Variants in CCDC112 observed in about 807,000 individuals in gnomAD.
The protein encoded by CCDC112 is coiled-coil domain-containing protein 112.
A neutral mutation model predicts 66.3 loss-of-function variants in CCDC112; 40 were observed. The ratio of observed to expected loss-of-function variants is 0.60; its 90% CI spans 0.47 to 0.79. CCDC112 has a LOEUF of 0.79. Among genes scored for constraint, CCDC112 ranks in the 30% least tolerant of loss-of-function variants. The pLI, the probability that CCDC112 is intolerant of heterozygous loss-of-function variation, is 0.00. For missense variants in CCDC112, 659 were observed against 603.8 expected (o/e 1.09, Z -0.96); for synonymous variants, 214 against 197.2 (o/e 1.09, Z -0.71).
At position 115,267,808 on chromosome 5, in the gene CCDC112, A is replaced by T; in HGVS notation, c.*68T>A. ...CTATTGATATTTAAAGAATGTGGTT[A>T]GTCACTCTCTCCCTGGTATAACTTA... On this transcript the variant is annotated 3_prime_UTR_variant, in exon 10 of 10. Coordinates refer to ENST00000379611, the MANE Select transcript of CCDC112 (RefSeq NM_001040440.3). 3.6e-6 allele frequency: 4 copies of T among 1,106,874 alleles called. No individual in the cohort carries two copies. Among genetic ancestry groups the T allele is most frequent in the Non-Finnish European group, 5.6e-6 (4 of 719,432 alleles). 68.6% of individuals were successfully genotyped at this position (1,106,874 alleles called of 1,614,324 possible).
intron 2 of CCDC112, among the ~76,000 whole-genome samples, chr5:115,281,315 C>A (rs1749447170): frequency 6.6e-6 from 1 of 152,170 alleles, no homozygotes; most frequent in Admixed American, 6.5e-5. Context: ...TGAGCCACCG[C>A]ATCTGACCGC....
Position 115,287,584 on chromosome 5 carries a change from G to A in CCDC112, c.118-2676C>T, listed in dbSNP as rs1749728054. Among the ~76,000 whole-genome samples, 4 of 151,804 alleles carry A rather than the reference G, an allele frequency of 2.6e-5. No individual in the cohort carries two copies. The South Asian group carries it at 8.3e-4, about 32-fold the overall frequency. ...TTTTCCTGAAAACAAGAGATGCACG[G>A]CAACCAATCAGAAAGGGTCCAGTCA... On this transcript the variant is annotated intron_variant, in intron 1 of 9. Transcript: ENST00000379611.
chr5:115,291,827 C>T (rs544960384), intron 1 of CCDC112, among the ~76,000 whole-genome samples: 178 of 152,152 alleles, frequency 1.2e-3, no homozygotes, highest in African/African-American at 4.1e-3. Context: ...CATCCCTCTG[C>T]CTTTTGGTGT....
chr5:115,280,029 C>A (rs552646550), intron 2 of CCDC112, among the ~76,000 whole-genome samples: 2 of 152,272 alleles, frequency 1.3e-5, no homozygotes, highest in East Asian at 3.9e-4. Context: ...TGTGGATATA[C>A]ATTTGCTTTG....
At chr5:115,287,382 T>C (rs1749719040) in intron 1 of CCDC112, among the ~76,000 whole-genome samples, 1 of 152,230 alleles carries the variant, frequency 6.6e-6, no homozygotes, top group South Asian at 2.1e-4. Context: ...TATTTATTGT[T>C]GAATTGTAAC....
intron 8 of CCDC112, chr5:115,269,456 T>G: frequency 2.3e-6 from 1 of 433,762 alleles, no homozygotes; most frequent in Non-Finnish European, 4.1e-6. Flanking sequence ...AATTTTTAAA[T>G]GACAAGTAGG....
intron 1 of CCDC112, among the ~76,000 whole-genome samples, chr5:115,295,351 T>C (rs977561501): frequency 4.6e-5 from 7 of 152,214 alleles, no homozygotes; most frequent in African/African-American, 1.2e-4. Flanking sequence ...TTTTTGAGCA[T>C]AGTACTTAAA....
Position 115,269,759 on chromosome 5 carries a change from C to T in CCDC112, c.1372G>A (p.Ala458Thr). 2 of 1,595,206 alleles carry T rather than the reference C, an allele frequency of 1.3e-6. No homozygotes were observed. Among genetic ancestry groups the T allele is most frequent in the Non-Finnish European group, 8.5e-7 (1 of 1,173,252 alleles). ...TTTTGTGACTTTTCATCTTCCTTTG[C>T]CTGTCTATCTAGAATTTTCAGTTCA... ...KLELKILDRQAKEDEKSQKQR... is the reference protein window; with the variant it reads ...KLELKILDRQTKEDEKSQKQR... Residue 458 changes from alanine to threonine, a missense_variant, in exon 8 of 10, where the codon GCA becomes ACA. Ala to Thr is a moderately conservative substitution (Grantham distance 58). Transcript: ENST00000379611.
At chr5:115,269,866 C>A in intron 7 of CCDC112, 68 bp from the exon 8 acceptor site, 1 of 960,486 alleles carries the variant, frequency 1.0e-6, no homozygotes, top group Non-Finnish European at 1.5e-6. Context: ...TTTAGTTGTT[C>A]ACAAGTAAAA....
At chr5:115,293,053 A>T (rs1376880355) in intron 1 of CCDC112, among the ~76,000 whole-genome samples, 1 of 152,238 alleles carries the variant, frequency 6.6e-6, no homozygotes, top group Admixed American at 6.5e-5. Flanking sequence ...CTACTCTAAA[A>T]TCAAAGTGTG....
At chr5:115,293,014 C>G (rs1221979677) in intron 1 of CCDC112, among the ~76,000 whole-genome samples, 3 of 152,204 alleles carry the variant, frequency 2.0e-5, no homozygotes, top group Non-Finnish European at 4.4e-5. Context: ...TTAAACAACA[C>G]ACATTTATTG....
At chr5:115,270,796 A>T (rs1415872680) in intron 7 of CCDC112, among the ~76,000 whole-genome samples, 1 of 152,182 alleles carries the variant, frequency 6.6e-6, no homozygotes, top group African/African-American at 2.4e-5. Context: ...CTGAAGTGTT[A>T]ATAGTCTCCA....
At chr5:115,273,367 G>C (rs1278358356) in intron 6 of CCDC112, among the ~76,000 whole-genome samples, 1 of 152,086 alleles carries the variant, frequency 6.6e-6, no homozygotes, top group Non-Finnish European at 1.5e-5. Context: ...AAAGGAAGTG[G>C]GAGATAAAAA....
At position 115,277,004 on chromosome 5, in the gene CCDC112, G is replaced by A; in HGVS notation, c.412C>T (p.Leu138Phe). 6.2e-7 allele frequency: 1 copy of A among 1,610,262 alleles called. No homozygotes were observed. Among genetic ancestry groups the A allele is most frequent in the South Asian group, 1.1e-5 (1 of 90,922 alleles). ...LAKIHNNVKK[L>F]QHQLKDVKPT... ...TTCACATCTTTTAATTGATGCTGAA[G>A]TTTCTTTACATTATTATGTATTTTG... Residue 138 changes from leucine to phenylalanine, a missense_variant, in exon 4 of 10, where the codon CTT becomes TTT. Coordinates refer to ENST00000379611, the MANE Select transcript of CCDC112 (RefSeq NM_001040440.3).
At chr5:115,284,694 G>T in intron 2 of CCDC112, 93 bp downstream of exon 2, 1 of 937,870 alleles carries the variant, frequency 1.1e-6, no homozygotes, top group Admixed American at 2.4e-5. Context: ...ATAACTTAAT[G>T]TGAGCCTAGG....
At chr5:115,295,842 G>C (rs771713609) in intron 1 of CCDC112, 22 of 966,438 alleles carry the variant, frequency 2.3e-5, no homozygotes, top group Non-Finnish European at 2.7e-5. Context: ...GGTGTGCCGC[G>C]TAAGGCGATT....
chr5:115,272,053 A>C (rs1749026415), intron 6 of CCDC112, among the ~76,000 whole-genome samples: 1 of 151,470 alleles, frequency 6.6e-6, no homozygotes, highest in South Asian at 2.1e-4. Flanking sequence ...GCCTCCCAAA[A>C]AGCTGGGATT....
At chr5:115,282,741 T>C (rs1387405912) in intron 2 of CCDC112, among the ~76,000 whole-genome samples, 2 of 152,160 alleles carry the variant, frequency 1.3e-5, no homozygotes, top group African/African-American at 2.4e-5. Context: ...ACTGGGTGGC[T>C]TGGATGAAGA....
At chr5:115,277,177 G>A (rs777715106) in intron 3 of CCDC112, 123 bp from the exon 4 acceptor site, 112 of 585,144 alleles carry the variant, frequency 1.9e-4, no homozygotes, top group Non-Finnish European at 2.8e-4. Context: ...AAGAACAAAA[G>A]ATATTTATGT....
Sources: allele counts gnomAD v4.1 joint callset (sites outside exome capture counted in the v4.1 genomes callset), GRCh38; gene constraint gnomAD v4.1.1; transcripts MANE v1.5; gene names NCBI Gene and HGNC (gene_info 2026-07-23, HGNC 2026-07-21).